SMYD3: variants seen among roughly 807,000 people sequenced by gnomAD.
The protein encoded by SMYD3 is histone-lysine N-methyltransferase SMYD3.
Under a neutral mutation model 57.7 loss-of-function variants are expected in SMYD3, and 36 were observed. The observed-to-expected ratio is 0.62, with a 90% CI of 0.48 to 0.82. The LOEUF (loss-of-function observed/expected upper bound fraction) is 0.82, where lower values mean the gene tolerates loss of function less well. Ranked by LOEUF, SMYD3 falls within the 40% of genes least tolerant of loss-of-function variation. The pLI, the probability that SMYD3 is intolerant of heterozygous loss-of-function variation, is 0.00. For synonymous variants in SMYD3, 211 were observed against 195.0 expected (o/e 1.08, Z -0.68); for missense variants, 515 against 538.8 (o/e 0.96, Z 0.44).
At chr1:246,135,743 G>T (rs187002629) in intron 5 of SMYD3, among the ~76,000 whole-genome samples, 1 of 151,968 alleles carries the variant, frequency 6.6e-6, no homozygotes, top group Admixed American at 6.6e-5. Flanking sequence ...AGCTAAAATT[G>T]TTTTAATATA....
rs184283563 is a variant in SMYD3, at chr1:246,376,674, T to C, written c.165-21580A>G. On this transcript the variant is annotated intron_variant, in intron 1 of 11. Transcript: ENST00000490107. Reference sequence around the variant, plus strand: ...AACACATACTTGAACTGTGCACTTATACAATTCTTTCCAAAACTTTCTGGT... The same window carrying C: ...AACACATACTTGAACTGTGCACTTACACAATTCTTTCCAAAACTTTCTGGT... Among the ~76,000 whole-genome samples the C allele has an allele frequency of 2.2e-4, 34 of 151,774 alleles. 1 individual carries two copies. In the East Asian group the frequency reaches 5.4e-3, roughly 24 times the overall value.
intron 5 of SMYD3, among the ~76,000 whole-genome samples, chr1:246,072,711 G>A (rs78127352): frequency 0.029 from 4,365 of 151,460 alleles, 208 homozygotes; most frequent in African/African-American, 0.099. Context: ...GTGGAGATCT[G>A]CCTAAAATGT....
chr1:246,430,361 A>AGG (rs1335697495), intron 1 of SMYD3, among the ~76,000 whole-genome samples: 1 of 152,250 alleles, frequency 6.6e-6, no homozygotes, highest in African/African-American at 2.4e-5. Context: ...TATTTAAGAG[A>AGG]GGAAGGCAAG....
chr1:245,869,176 G>GA (rs138618026), intron 8 of SMYD3, among the ~76,000 whole-genome samples: 3,105 of 152,040 alleles, frequency 0.02, 108 homozygotes, highest in African/African-American at 0.071. Flanking sequence ...TTTTTTAGGG[G>GA]ATGGAAACAT....
rs917304907 is a variant in SMYD3 at position 246,409,485 on chromosome 1, T to G, written c.165-54391A>C. 2.6e-5 allele frequency among the ~76,000 whole-genome samples: 4 copies of G among 152,232 alleles called. No homozygotes were observed. In the East Asian group the frequency reaches 5.8e-4, roughly 22 times the overall value. On this transcript the variant is annotated intron_variant, in intron 1 of 11. Transcript: ENST00000490107. ...AGGTTTGTCAAAGATGAGATAGTTG[T>G]AGATATGCAGCATTATTTCTGAGGG...
chr1:245,992,393 G>A (rs886635585), intron 5 of SMYD3, among the ~76,000 whole-genome samples: 1 of 152,278 alleles, frequency 6.6e-6, no homozygotes, highest in Admixed American at 6.5e-5. Flanking sequence ...CGGGATGCAG[G>A]AATCATTGGG....
chr1:246,304,220 A>T (rs1445571769), intron 5 of SMYD3, among the ~76,000 whole-genome samples: 1 of 152,226 alleles, frequency 6.6e-6, no homozygotes, highest in African/African-American at 2.4e-5. Context: ...ACAAGCCATA[A>T]TACAAAATAC....
chr1:246,073,879 A>T (rs188766647), intron 5 of SMYD3, among the ~76,000 whole-genome samples: 1 of 152,188 alleles, frequency 6.6e-6, no homozygotes, highest in East Asian at 1.9e-4. Context: ...GTTCCGTATG[A>T]CTCCATTCTG....
At chr1:245,844,932 A>C (rs2050589188) in intron 10 of SMYD3, among the ~76,000 whole-genome samples, 1 of 152,222 alleles carries the variant, frequency 6.6e-6, no homozygotes, top group Non-Finnish European at 1.5e-5. Flanking sequence ...TGTTATTGGA[A>C]AAACCAAAAA....
intron 5 of SMYD3, among the ~76,000 whole-genome samples, chr1:245,955,244 G>A (rs6686313): frequency 0.86 from 129,750 of 150,086 alleles, 56,640 homozygotes; most frequent in Non-Finnish European, 0.94. Context: ...GGTGCCCGCC[G>A]CCATACCTGG....
intron 5 of SMYD3, among the ~76,000 whole-genome samples, chr1:246,074,515 T>C (rs967784190): frequency 1.1e-4 from 16 of 152,216 alleles, no homozygotes; most frequent in African/African-American, 3.9e-4. Context: ...TAACTGAAGG[T>C]ACTAGAGAGT....
intron 5 of SMYD3, among the ~76,000 whole-genome samples, chr1:246,218,665 G>C (rs1253752971): frequency 6.6e-6 from 1 of 151,584 alleles, no homozygotes; most frequent in African/African-American, 2.4e-5. Context: ...CTTAAGACTG[G>C]CTGACTGCTA....
At chr1:246,118,923 C>T (rs2061381906) in intron 5 of SMYD3, among the ~76,000 whole-genome samples, 1 of 151,622 alleles carries the variant, frequency 6.6e-6, no homozygotes, top group Non-Finnish European at 1.5e-5. Context: ...AAGTCAGGTG[C>T]AGCACAACCA....
chr1:246,114,030 C>T (rs184820129), intron 5 of SMYD3, among the ~76,000 whole-genome samples: 1 of 152,264 alleles, frequency 6.6e-6, no homozygotes, highest in African/African-American at 2.4e-5. Context: ...CTTGGGGAGG[C>T]TGTGCAGTTT....
chr1:245,945,049 C>T (rs1051175829), intron 5 of SMYD3, among the ~76,000 whole-genome samples: 2 of 151,996 alleles, frequency 1.3e-5, no homozygotes, highest in Non-Finnish European at 2.9e-5. Flanking sequence ...AAAAAAATCT[C>T]GGCAATACCA....
chr1:246,085,357 T>A (rs2787953), intron 5 of SMYD3, among the ~76,000 whole-genome samples: 55,680 of 151,862 alleles, frequency 0.37, 12,852 homozygotes, highest in African/African-American at 0.65. Context: ...CCCCAAAATA[T>A]GGTACTTTGG....
At chr1:246,029,790 G>A (rs2059638158) in intron 5 of SMYD3, among the ~76,000 whole-genome samples, 1 of 151,712 alleles carries the variant, frequency 6.6e-6, no homozygotes, top group African/African-American at 2.4e-5. Context: ...AAACCACAAT[G>A]AAATATCATC....
intron 5 of SMYD3, among the ~76,000 whole-genome samples, chr1:245,999,845 A>AGC (rs2059004966): frequency 6.6e-6 from 1 of 152,214 alleles, no homozygotes; most frequent in Non-Finnish European, 1.5e-5. Flanking sequence ...TCGAGGTTAT[A>AGC]AAATCTGCTT....
intron 5 of SMYD3, among the ~76,000 whole-genome samples, chr1:246,303,432 C>CA (rs1478984116): frequency 6.6e-6 from 1 of 152,182 alleles, no homozygotes; most frequent in Non-Finnish European, 1.5e-5. Flanking sequence ...GATTACATGG[C>CA]ATACTATGTG....
Sources: allele counts gnomAD v4.1 joint callset (sites outside exome capture counted in the v4.1 genomes callset), GRCh38; gene constraint gnomAD v4.1.1; transcripts MANE v1.5; gene names NCBI Gene and HGNC (gene_info 2026-07-23, HGNC 2026-07-21).